PRUNE2: variants seen among roughly 807,000 people sequenced by gnomAD.
PRUNE2 encodes prune homolog 2 with BCH domain, also known as protein prune homolog 2.
A neutral mutation model predicts 252.0 loss-of-function variants in PRUNE2; 164 were observed. The ratio of observed to expected loss-of-function variants is 0.65; its 90% CI spans 0.57 to 0.74. The LOEUF is 0.74. PRUNE2 is among the 30% of genes least tolerant of loss of function. PRUNE2 has a pLI of 0.00. For synonymous variants in PRUNE2, 1,292 were observed against 1,350.2 expected, an observed-to-expected ratio of 0.96 and a Z score of 0.94; for missense variants, 3,495 against 3,711.0, an observed-to-expected ratio of 0.94 and a Z score of 1.51.
intron 6 of PRUNE2, among the ~76,000 whole-genome samples, chr9:76,819,929 A>T (rs2057936579): frequency 6.6e-6 from 1 of 152,218 alleles, no homozygotes; most frequent in Admixed American, 6.5e-5. Flanking sequence ...CAAGGGAATA[A>T]AGGCAACGTT....
At chr9:76,797,030 C>G (rs2056152625) in intron 6 of PRUNE2, among the ~76,000 whole-genome samples, 1 of 150,976 alleles carries the variant, frequency 6.6e-6, no homozygotes, top group South Asian at 2.1e-4. Context: ...AAATCACACA[C>G]TCACACATAC....
chr9:76,774,809 A>C (rs1486658815), intron 6 of PRUNE2, among the ~76,000 whole-genome samples: 2 of 152,194 alleles, frequency 1.3e-5, no homozygotes, highest in Admixed American at 1.3e-4. Flanking sequence ...TTAAATATGG[A>C]GGAAACAGGG....
chr9:76,710,488 G>C lies in PRUNE2; in HGVS notation c.1786C>G (p.Pro596Ala). ...SLTDFVGDESPSPERLKNTGK... is the reference protein window; with the variant it reads ...SLTDFVGDESASPERLKNTGK... ...GTATTTTTTAGCCTTTCTGGGGAAG[G>C]GGATTCATCTCCCACAAAATCTGTC... Residue 596 changes from proline (P) to alanine (A), a missense_variant, in exon 8 of 19, where the codon CCT becomes GCT. By Grantham distance (27) the Pro-to-Ala change is conservative (BLOSUM62 -1). Transcript: ENST00000376718. 1 of 1,613,954 alleles carries C rather than the reference G, an allele frequency of 6.2e-7. No individual in the cohort carries two copies.
At chr9:76,883,166 T>G (rs2061890043) in intron 1 of PRUNE2, among the ~76,000 whole-genome samples, 1 of 152,196 alleles carries the variant, frequency 6.6e-6, no homozygotes, top group Non-Finnish European at 1.5e-5. Flanking sequence ...TTGACTCACT[T>G]TTACATATAG....
intron 6 of PRUNE2, among the ~76,000 whole-genome samples, chr9:76,746,346 C>T (rs893703237): frequency 6.6e-6 from 1 of 152,184 alleles, no homozygotes; most frequent in African/African-American, 2.4e-5. Flanking sequence ...CAGGCTGAAG[C>T]TTGAATTAAT....
Position 76,626,102 on chromosome 9 carries a change from T to C in PRUNE2, c.9150-1612A>G, listed in dbSNP as rs1305522283. ...AAAAAAAGGTTATATATTGATTGAT[T>C]GATGAAAACATTGTGACCAGATGCT... On this transcript the variant is annotated intron_variant, in intron 16 of 18. Transcript: ENST00000376718. Among the ~76,000 whole-genome samples, 4 of 152,244 alleles carry C rather than the reference T, an allele frequency of 2.6e-5. No homozygotes were observed. In the East Asian group the frequency reaches 7.7e-4, roughly 29 times the overall value.
rs772510249 is a variant in PRUNE2 at position 76,611,797 on chromosome 9, A to G, written c.*2773T>C. The G allele has an allele frequency of 2.6e-5, 4 of 152,614 alleles. No homozygotes were observed. Among genetic ancestry groups the G allele is most frequent in the Non-Finnish European group, 5.9e-5 (4 of 68,038 alleles). 9.5% of individuals were successfully genotyped at this position (152,614 alleles called of 1,614,324 possible). A position where few individuals can be genotyped will look rare whatever the true frequency, so the allele number is the denominator to read the frequency against. On this transcript the variant is annotated 3_prime_UTR_variant, in exon 19 of 19. Coordinates refer to ENST00000376718, the MANE Select transcript of PRUNE2 (RefSeq NM_015225.3). ...CACACTGAGCTACTGCCCTCAAACA[A>G]ACTTTCTCACTCCTTGACACTATCT...
chr9:76,774,111 T>C (rs2053423202), intron 6 of PRUNE2, among the ~76,000 whole-genome samples: 1 of 151,970 alleles, frequency 6.6e-6, no homozygotes, highest in African/African-American at 2.4e-5. Flanking sequence ...AAAGAATAGG[T>C]TTGATTCTTT....
chr9:76,705,263 T>A lies in PRUNE2; in HGVS notation c.7011A>T (p.Leu2337=), dbSNP rs1310350712. The change falls in exon 8 of 19, where the codon CTA becomes CTT. Residue 2337 remains leucine (L), a synonymous_variant. Coordinates refer to ENST00000376718, the MANE Select transcript of PRUNE2 (RefSeq NM_015225.3). ...GHPETPVDGD[L]GKQDICSSEA... is the part of the protein sequence containing the mutation. ...CAGATGAGCAGATATCTTGCTTCCC[T>A]AGGTCCCCATCAACTGGCGTTTCCG... 1 of 1,613,954 alleles carries A rather than the reference T, an allele frequency of 6.2e-7. No homozygotes were observed. Among genetic ancestry groups the A allele is most frequent in the Admixed American group, 1.7e-5 (1 of 60,010 alleles).
At chr9:76,893,319 T>G (rs539416667) in intron 1 of PRUNE2, among the ~76,000 whole-genome samples, 1 of 152,308 alleles carries the variant, frequency 6.6e-6, no homozygotes, top group South Asian at 2.1e-4. Context: ...GGTCTGTGAT[T>G]CTATAATTGT....
intron 4 of PRUNE2, among the ~76,000 whole-genome samples, chr9:76,842,935 A>C (rs1320366675): frequency 6.6e-6 from 1 of 152,228 alleles, no homozygotes; most frequent in Non-Finnish European, 1.5e-5. Context: ...TCAGGGATCT[A>C]GAACAAGAAA....
chr9:76,728,976 A>G (rs1412727065), intron 6 of PRUNE2, among the ~76,000 whole-genome samples: 1 of 152,254 alleles, frequency 6.6e-6, no homozygotes, highest in African/African-American at 2.4e-5. Context: ...TTATTTGTCA[A>G]TTAGGGCATT....
chr9:76,874,918 A>T (rs1352231154), intron 1 of PRUNE2, among the ~76,000 whole-genome samples: 1 of 152,216 alleles, frequency 6.6e-6, no homozygotes, highest in African/African-American at 2.4e-5. Context: ...TGTCAGTAAC[A>T]AATTATAAAA....
chr9:76,672,352 A>G (rs1307659000), intron 9 of PRUNE2, among the ~76,000 whole-genome samples: 2 of 115,988 alleles, frequency 1.7e-5, no homozygotes, highest in East Asian at 4.9e-4. Context: ...AGAAGAGCTA[A>G]CTATCCTAAA....
intron 6 of PRUNE2, among the ~76,000 whole-genome samples, chr9:76,729,755 T>C (rs2048405594): frequency 6.6e-6 from 1 of 152,164 alleles, no homozygotes; most frequent in Non-Finnish European, 1.5e-5. Context: ...TCTTTTAAAG[T>C]ATTTTTTTCT....
rs1223096477 is a variant in PRUNE2 at position 76,613,723 on chromosome 9, C to T, written c.*847G>A. Reference sequence around the variant, plus strand: ...AGCAGATCACTTTTTATAATGCATGCGAGAGAGGAATTCATGAATAACTGA... The same window carrying T: ...AGCAGATCACTTTTTATAATGCATGTGAGAGAGGAATTCATGAATAACTGA... On this transcript the variant is annotated 3_prime_UTR_variant, in exon 19 of 19. Coordinates refer to ENST00000376718, the MANE Select transcript of PRUNE2 (RefSeq NM_015225.3). 4 of 152,046 alleles carry T rather than the reference C, an allele frequency of 2.6e-5. No homozygotes were observed. Among genetic ancestry groups the T allele is most frequent in the African/African-American group, 9.7e-5 (4 of 41,392 alleles). 9.4% of individuals were successfully genotyped at this position (152,046 alleles called of 1,614,324 possible).
At chr9:76,652,773 T>A in intron 10 of PRUNE2, 90 bp from the exon 11 acceptor site, 1 of 864,954 alleles carries the variant, frequency 1.2e-6, no homozygotes, top group Non-Finnish European at 1.9e-6. Context: ...CTCCAAAATC[T>A]GAAACTTTTT....
chr9:76,839,666 C>T (rs2059272121), intron 4 of PRUNE2, among the ~76,000 whole-genome samples: 2 of 152,140 alleles, frequency 1.3e-5, no homozygotes, highest in African/African-American at 4.8e-5. Flanking sequence ...TTACAATTTA[C>T]AAGGTCATTC....
At chr9:76,660,651 G>A (rs922128417) in intron 9 of PRUNE2, among the ~76,000 whole-genome samples, 5 of 151,834 alleles carry the variant, frequency 3.3e-5, no homozygotes, top group African/African-American at 9.7e-5. Context: ...GTGTGGTGGT[G>A]CACACCTGTA....
Sources: gnomAD v4.1 joint callset for allele counts (sites outside exome capture counted in the v4.1 genomes callset) on GRCh38, gnomAD v4.1.1 for gene constraint, MANE v1.5 for transcripts, NCBI Gene and HGNC (gene_info 2026-07-23, HGNC 2026-07-21) for gene names.